The following NFATC1 variants were observed in gnomAD, a reference collection of about 807,000 sequenced individuals.
NFATC1 encodes nuclear factor of activated T cells 1.
A neutral mutation model predicts 76.0 loss-of-function variants in NFATC1; 22 were observed. The ratio of observed to expected loss-of-function variants is 0.29; its 90% CI spans 0.21 to 0.41. The LOEUF is 0.41. Ranked by LOEUF, NFATC1 falls within the 10% of genes least tolerant of loss-of-function variation. NFATC1 has a pLI of 1.00. For missense variants in NFATC1, 1,357 were observed against 1,337.7 expected (o/e 1.01, Z -0.23); for synonymous variants, 704 against 613.1 (o/e 1.15, Z -2.19).
Position 79,461,266 on chromosome 18 carries a change from C to G in NFATC1, c.1904-45C>G, listed in dbSNP as rs373787731. ...CGTGGGGGTGTCTGGGGAGGGGGCT[C>G]CCCACCACACAGAGTCACAGACGTT... On this transcript the variant is annotated intron_variant, in intron 6 of 9. Coordinates refer to ENST00000427363, the MANE Select transcript of NFATC1 (RefSeq NM_001278669.2). 2.0e-5 allele frequency: 32 copies of G among 1,609,994 alleles called. No homozygotes were observed. In the Admixed American group the frequency reaches 3.5e-4, roughly 18 times the overall value.
At chr18:79,464,494 T>TA (rs141241544) in intron 7 of NFATC1, among the ~76,000 whole-genome samples, 15,619 of 151,228 alleles carry the variant, frequency 0.1, 1,068 homozygotes, top group Non-Finnish European at 0.15. Flanking sequence ...TTGGACAATA[T>TA]AAAAAAGGAA....
rs768125618 is a variant in NFATC1 at position 79,396,262 on chromosome 18, C to T, written c.38C>T (p.Pro13Leu). 4.0e-6 allele frequency: 6 copies of T among 1,490,462 alleles called. No homozygotes were observed. In the Admixed American group the frequency reaches 6.1e-5, roughly 15 times the overall value. The allele number at this position is 1,490,462 out of a possible 1,614,324, so 92.3% of individuals were successfully genotyped here. Reference sequence around the variant, plus strand: ...AGCTTTCCAGTCCCTTCCAAGTTTCCACTTGGCCCTGCGGCTGCGGTCTTC... The same window carrying T: ...AGCTTTCCAGTCCCTTCCAAGTTTCTACTTGGCCCTGCGGCTGCGGTCTTC... ...STSFPVPSKF[P>L]LGPAAAVFGR... The change falls in exon 1 of 10, where the codon CCA becomes CTA. Residue 13 changes from proline (P) to leucine (L), a missense_variant. Pro to Leu is a moderately conservative substitution (Grantham distance 98). Transcript: ENST00000427363.
At chr18:79,456,875 C>T (rs1276131680) in intron 6 of NFATC1, among the ~76,000 whole-genome samples, 3 of 152,186 alleles carry the variant, frequency 2.0e-5, no homozygotes, top group Non-Finnish European at 4.4e-5. Flanking sequence ...ATTCCCAGCT[C>T]CAGCGTCCGC....
intron 2 of NFATC1, among the ~76,000 whole-genome samples, chr18:79,428,231 G>A (rs1022552704): frequency 1.3e-5 from 2 of 152,188 alleles, no homozygotes; most frequent in Non-Finnish European, 2.9e-5. Context: ...AAATCAAGGG[G>A]ATGTTGTAGA....
In NFATC1 at chr18:79,404,739, G is replaced by A. The variant is rs145887638; in HGVS notation, c.128-5664G>A. 6.6e-3 allele frequency among the ~76,000 whole-genome samples: 1,007 copies of A among 152,298 alleles called. 3 individuals are homozygous for A. Among genetic ancestry groups the A allele is most frequent in the Middle Eastern group, 0.017 (5 of 294 alleles). On this transcript the variant is annotated intron_variant, in intron 1 of 9. Transcript: ENST00000427363. ...CTTGTCAGCAGTGCTGGCCTGATGC[G>A]CAAGGCAGAGGCGTGGCTGTCCTGC...
chr18:79,433,468 C>A, intron 2 of NFATC1, 111 bp from the exon 3 acceptor site: 1 of 1,267,134 alleles, frequency 7.9e-7, no homozygotes. Flanking sequence ...TCAGGACGTG[C>A]ACTCGCCGAT....
At chr18:79,406,405 C>T (rs188871333) in intron 1 of NFATC1, among the ~76,000 whole-genome samples, 71 of 152,120 alleles carry the variant, frequency 4.7e-4, no homozygotes, top group East Asian at 7.7e-4. Context: ...GAGAGGAAGT[C>T]GGGGTGTGGG....
chr18:79,445,600 C>T (rs1178171522), intron 3 of NFATC1, among the ~76,000 whole-genome samples: 2 of 152,188 alleles, frequency 1.3e-5, no homozygotes, highest in Admixed American at 6.5e-5. Flanking sequence ...TGGGGGGAAT[C>T]GGGGTTGAAA....
chr18:79,407,660 G>A (rs569292213), intron 1 of NFATC1, among the ~76,000 whole-genome samples: 1 of 152,268 alleles, frequency 6.6e-6, no homozygotes, highest in African/African-American at 2.4e-5. Context: ...GCCCAGATTG[G>A]TCTTGAACTT....
chr18:79,444,544 G>A (rs1241114067), intron 3 of NFATC1, among the ~76,000 whole-genome samples: 1 of 152,200 alleles, frequency 6.6e-6, no homozygotes, highest in African/African-American at 2.4e-5. Flanking sequence ...CATCTGAAGG[G>A]GCCAGGGCAG....
chr18:79,436,270 G>A (rs1350575391), intron 3 of NFATC1, among the ~76,000 whole-genome samples: 2 of 152,264 alleles, frequency 1.3e-5, no homozygotes, highest in African/African-American at 2.4e-5. Context: ...GGTAGTGGGC[G>A]CTGCGGGCGG....
At chr18:79,414,991 G>A (rs1275176642) in intron 2 of NFATC1, among the ~76,000 whole-genome samples, 2 of 152,328 alleles carry the variant, frequency 1.3e-5, no homozygotes, top group African/African-American at 4.8e-5. Context: ...TAAAGTCTAC[G>A]TGATTGCTTC....
chr18:79,406,072 G>A (rs1023974785), intron 1 of NFATC1, among the ~76,000 whole-genome samples: 2 of 152,216 alleles, frequency 1.3e-5, no homozygotes, highest in Admixed American at 6.5e-5. Flanking sequence ...CCCGTGTGGC[G>A]CAGCTCTGGG....
intron 9 of NFATC1, among the ~76,000 whole-genome samples, chr18:79,516,461 G>A (rs373145145): frequency 1.5e-4 from 23 of 152,202 alleles, no homozygotes; most frequent in African/African-American, 5.3e-4. Context: ...TTCTAGAGAC[G>A]CTGCGACCCT....
intron 4 of NFATC1, among the ~76,000 whole-genome samples, chr18:79,449,236 T>A (rs185213694): frequency 4.4e-4 from 67 of 152,368 alleles, no homozygotes; most frequent in African/African-American, 1.6e-3. Context: ...TCCCTCTGCA[T>A]TTAGCTTCTA....
At chr18:79,400,328 C>T (rs1249486112) in intron 1 of NFATC1, 2 of 1,353,760 alleles carry the variant, frequency 1.5e-6, no homozygotes, top group Non-Finnish European at 1.9e-6. Context: ...CGGGCAGCGC[C>T]GGGAGAACCG....
chr18:79,437,528 A>C (rs2086823221), intron 3 of NFATC1, among the ~76,000 whole-genome samples: 1 of 152,166 alleles, frequency 6.6e-6, no homozygotes, highest in South Asian at 2.1e-4. Context: ...GGGGAGGCTG[A>C]GGGGGCGTCC....
intron 9 of NFATC1, among the ~76,000 whole-genome samples, chr18:79,509,159 G>C (rs1317406922): frequency 1.3e-5 from 2 of 152,240 alleles, no homozygotes; most frequent in Admixed American, 1.3e-4. Flanking sequence ...GGAGAGGGAC[G>C]TGCTGGCCCC....
At chr18:79,400,791 C>G (rs1214328832) in intron 1 of NFATC1, among the ~76,000 whole-genome samples, 1 of 132,074 alleles carries the variant, frequency 7.6e-6, no homozygotes, top group Admixed American at 7.2e-5. Context: ...ACACCCTCTC[C>G]CCGCCCCGCG....
Sources: gnomAD v4.1 joint callset for allele counts (sites outside exome capture counted in the v4.1 genomes callset) on GRCh38, gnomAD v4.1.1 for gene constraint, MANE v1.5 for transcripts, NCBI Gene and HGNC (gene_info 2026-07-23, HGNC 2026-07-21) for gene names.